The following LPP variants were observed in gnomAD, a reference collection of about 807,000 sequenced individuals.
LPP encodes LIM domain containing preferred translocation partner in lipoma, also known as lipoma-preferred partner.
In LPP, 38 loss-of-function variants were observed where a neutral mutation model predicts 60.4. That is an observed-to-expected ratio of 0.63 (90% CI 0.49 to 0.83). The LOEUF (loss-of-function observed/expected upper bound fraction) is 0.83, where lower values mean the gene tolerates loss of function less well. Among genes scored for constraint, LPP ranks in the 40% least tolerant of loss-of-function variants. The probability of loss-of-function intolerance (pLI) is 0.00; values close to 1 mark genes in which losing one functional copy is unlikely to be tolerated. For missense variants in LPP, 902 were observed against 783.6 expected (o/e 1.15, Z -1.80); for synonymous variants, 328 against 290.8 (o/e 1.13, Z -1.30).
chr3:188,407,040 T>C (rs1470270313), intron 4 of LPP, among the ~76,000 whole-genome samples: 1 of 151,540 alleles, frequency 6.6e-6, no homozygotes, highest in Admixed American at 6.6e-5. Flanking sequence ...CCAGTGAATG[T>C]TAGCAGCTTA....
At chr3:188,270,643 CA>C (rs1360379905) in intron 2 of LPP, among the ~76,000 whole-genome samples, 1 of 152,138 alleles carries the variant, frequency 6.6e-6, no homozygotes, top group Non-Finnish European at 1.5e-5. Context: ...GCCAGACATG[CA>C]ATGCATTCCT....
chr3:188,539,584 A>G (rs190817022), intron 6 of LPP, among the ~76,000 whole-genome samples: 197 of 152,316 alleles, frequency 1.3e-3, no homozygotes, highest in African/African-American at 4.5e-3. Context: ...TCATTGGAGC[A>G]TTTGAAATGA....
intron 2 of LPP, among the ~76,000 whole-genome samples, chr3:188,255,768 C>G (rs1171452087): frequency 6.6e-6 from 1 of 152,152 alleles, no homozygotes; most frequent in East Asian, 1.9e-4. Context: ...GATGCACTGA[C>G]TTTGGTTTTT....
At chr3:188,592,872 C>T (rs559605871) in intron 6 of LPP, among the ~76,000 whole-genome samples, 7 of 151,946 alleles carry the variant, frequency 4.6e-5, no homozygotes, top group Non-Finnish European at 5.9e-5. Context: ...CTGTCTTACA[C>T]GAGGGCTTGC....
At chr3:188,220,892 G>A (rs969051612) in intron 1 of LPP, among the ~76,000 whole-genome samples, 1 of 152,180 alleles carries the variant, frequency 6.6e-6, no homozygotes, top group Non-Finnish European at 1.5e-5. Context: ...GCCACAGGGA[G>A]AAGATCCCTT....
chr3:188,691,751 CTA>C (rs1405934476), intron 7 of LPP, among the ~76,000 whole-genome samples: 1 of 152,188 alleles, frequency 6.6e-6, no homozygotes, highest in Non-Finnish European at 1.5e-5. Context: ...CTTATTTTCT[CTA>C]TACTTTTCTT....
At chr3:188,242,211 A>T (rs1366266998) in intron 2 of LPP, among the ~76,000 whole-genome samples, 1 of 152,190 alleles carries the variant, frequency 6.6e-6, no homozygotes, top group Non-Finnish European at 1.5e-5. Context: ...GTTATTTTTT[A>T]GCATGGCTAA....
At chr3:188,333,621 G>A (rs940647511) in intron 2 of LPP, among the ~76,000 whole-genome samples, 4 of 152,192 alleles carry the variant, frequency 2.6e-5, no homozygotes, top group African/African-American at 9.7e-5. Flanking sequence ...AACTTTCTGA[G>A]ATAGCTTCAT....
intron 9 of LPP, 136 bp downstream of exon 9, chr3:188,760,418 G>GTGTGTA: frequency 1.4e-6 from 1 of 697,998 alleles, no homozygotes; most frequent in Non-Finnish European, 2.4e-6. Flanking sequence ...GGGTGTGTGT[G>GTGTGTA]TGTGTGTGTG....
rs1770751495 is a variant in LPP, at chr3:188,886,954, G to C, written c.*12475G>C. On this transcript the variant is annotated 3_prime_UTR_variant, in exon 12 of 12. Coordinates refer to ENST00000617246, the MANE Select transcript of LPP (RefSeq NM_001375462.1). Reference sequence around the variant, plus strand: ...AATATGCCAAAGCAATTTGAGGTGGGGGTGGAAACAGGTATTTATCTCTCA... The same window carrying C: ...AATATGCCAAAGCAATTTGAGGTGGCGGTGGAAACAGGTATTTATCTCTCA... The C allele has an allele frequency of 4.3e-6, 1 of 231,236 alleles. No homozygotes were observed. The highest frequency in any genetic ancestry group is 8.6e-6 in the Non-Finnish European group (1 of 116,930). 14.3% of individuals were successfully genotyped at this position (231,236 alleles called of 1,614,324 possible).
At chr3:188,810,428 A>G (rs772213859) in intron 9 of LPP, among the ~76,000 whole-genome samples, 3 of 152,192 alleles carry the variant, frequency 2.0e-5, no homozygotes, top group East Asian at 1.9e-4. Context: ...CTACATTACA[A>G]TAGTCATGTA....
At chr3:188,353,492 GAA>G (rs952061673) in intron 3 of LPP, among the ~76,000 whole-genome samples, 3 of 151,978 alleles carry the variant, frequency 2.0e-5, no homozygotes, top group Non-Finnish European at 4.4e-5. Flanking sequence ...TTACAATGAA[GAA>G]AAAAAATTCA....
At chr3:188,832,432 C>A (rs990477692) in intron 9 of LPP, among the ~76,000 whole-genome samples, 1 of 152,152 alleles carries the variant, frequency 6.6e-6, no homozygotes, top group Non-Finnish European at 1.5e-5. Flanking sequence ...ACAGCCAACC[C>A]TCCAGATGAG....
At chr3:188,852,548 A>G (rs1317109277) in intron 9 of LPP, among the ~76,000 whole-genome samples, 2 of 152,172 alleles carry the variant, frequency 1.3e-5, no homozygotes, top group Non-Finnish European at 2.9e-5. Context: ...GAAGTAGGTT[A>G]GTTATTGAGA....
chr3:188,656,864 A>G (rs1357015567), intron 7 of LPP, among the ~76,000 whole-genome samples: 1 of 152,170 alleles, frequency 6.6e-6, no homozygotes, highest in African/African-American at 2.4e-5. Flanking sequence ...AAACAGGATT[A>G]GAGAAGGGAC....
intron 6 of LPP, among the ~76,000 whole-genome samples, chr3:188,543,539 G>T (rs1294607764): frequency 6.6e-6 from 1 of 151,998 alleles, no homozygotes; most frequent in African/African-American, 2.4e-5. Flanking sequence ...TTTTTATATG[G>T]TTCGATTTCT....
At chr3:188,848,810 A>G (rs1397938240) in intron 9 of LPP, among the ~76,000 whole-genome samples, 1 of 152,104 alleles carries the variant, frequency 6.6e-6, no homozygotes, top group East Asian at 1.9e-4. Context: ...TACTAAAAGT[A>G]CAAAAATTAG....
intron 7 of LPP, among the ~76,000 whole-genome samples, chr3:188,653,182 G>C (rs1474052176): frequency 1.3e-5 from 2 of 152,196 alleles, no homozygotes; most frequent in Non-Finnish European, 2.9e-5. Context: ...TGATCTTACT[G>C]CTTCAGTTAT....
At chr3:188,291,503 G>A (rs890916403) in intron 2 of LPP, among the ~76,000 whole-genome samples, 3 of 152,016 alleles carry the variant, frequency 2.0e-5, no homozygotes, top group Admixed American at 1.3e-4. Context: ...AAAATTAGCC[G>A]GGCATGGTGG....
Sources: allele counts gnomAD v4.1 joint callset (sites outside exome capture counted in the v4.1 genomes callset), GRCh38; gene constraint gnomAD v4.1.1; transcripts MANE v1.5; gene names NCBI Gene and HGNC (gene_info 2026-07-23, HGNC 2026-07-21).